The following MTPAP variants were observed in gnomAD, a reference collection of about 807,000 sequenced individuals.
MTPAP encodes the protein poly(A) RNA polymerase, mitochondrial.
A neutral mutation model predicts 48.7 loss-of-function variants in MTPAP; 23 were observed. The ratio of observed to expected loss-of-function variants is 0.47; its 90% CI spans 0.34 to 0.67. The LOEUF (loss-of-function observed/expected upper bound fraction) is 0.67. Among genes scored for constraint, MTPAP ranks in the 30% least tolerant of loss-of-function variants. The pLI, the probability that MTPAP is intolerant of heterozygous loss-of-function variation, is 0.01. For synonymous variants in MTPAP, 257 were observed against 254.1 expected (o/e 1.01, Z -0.11); for missense variants, 614 against 694.3 (o/e 0.88, Z 1.30).
intron 8 of MTPAP, 37 bp downstream of exon 8, chr10:30,315,926 C>G (rs755570055): frequency 6.6e-7 from 1 of 1,506,598 alleles, no homozygotes; most frequent in South Asian, 1.2e-5. Flanking sequence ...CAGTGGAAGA[C>G]CAGATACTAA....
intron 3 of MTPAP, among the ~76,000 whole-genome samples, chr10:30,339,035 A>C (rs1434402024): frequency 1.3e-5 from 2 of 152,100 alleles, no homozygotes; most frequent in Non-Finnish European, 2.9e-5. Context: ...AGGCAAGAGA[A>C]TGGCGTGAAC....
In MTPAP at chr10:30,345,801, C is replaced by A. The variant is rs1171708175; in HGVS notation, c.157+3318G>T. On this transcript the variant is annotated intron_variant, in intron 1 of 8. Coordinates refer to ENST00000263063, the MANE Select transcript of MTPAP (RefSeq NM_018109.4). ...GTGGCTCATGCCTGTAATCCCAGCA[C>A]TTTGGGAGGTCAGGGAGGGTGGATC... Among the ~76,000 whole-genome samples the A allele has an allele frequency of 4.6e-5, 7 of 152,218 alleles. No individual in the cohort carries two copies. The East Asian group carries it at 1.2e-3, about 25-fold the overall frequency.
intron 6 of MTPAP, among the ~76,000 whole-genome samples, chr10:30,317,889 C>T (rs1056542186): frequency 2.0e-5 from 3 of 152,122 alleles, no homozygotes; most frequent in Non-Finnish European, 4.4e-5. Context: ...GAATCTGGCT[C>T]TGTCACCCAG....
rs1391861710 is a variant in MTPAP at position 30,322,424 on chromosome 10, G to GA, written c.1185dup (p.Leu396SerfsTer16). ...GTTTTTAAGGAATCTAGTGTTGGAAGAATAGGGGGTGATCTTCTCTGGAGA... is the reference window on the plus strand; with the variant it reads ...GTTTTTAAGGAATCTAGTGTTGGAAGAAATAGGGGGTGATCTTCTCTGGAGA... On this transcript the variant is annotated frameshift_variant, in exon 6 of 9. Transcript: ENST00000263063. LOFTEE classifies it high-confidence loss of function. 1 of 1,612,754 alleles carries GA rather than the reference G, an allele frequency of 6.2e-7. No individual in the cohort carries two copies. The highest frequency in any genetic ancestry group is 1.1e-5 in the South Asian group (1 of 91,060).
chr10:30,348,886 A>G, intron 1 of MTPAP: 1 of 597,358 alleles, frequency 1.7e-6, no homozygotes, highest in Non-Finnish European at 2.9e-6. Context: ...AAACAACTCC[A>G]TTACTGTACA....
intron 4 of MTPAP, among the ~76,000 whole-genome samples, chr10:30,331,032 C>T (rs1236015066): frequency 6.6e-6 from 1 of 152,140 alleles, no homozygotes; most frequent in Non-Finnish European, 1.5e-5. Flanking sequence ...ACTAGCCTAA[C>T]CTGACTGACC....
chr10:30,346,067 A>C (rs1016421414), intron 1 of MTPAP, among the ~76,000 whole-genome samples: 3 of 151,916 alleles, frequency 2.0e-5, no homozygotes, highest in Non-Finnish European at 4.4e-5. Flanking sequence ...AAAAGACAGA[A>C]TACTATCCTG....
At position 30,319,089 on chromosome 10, in the gene MTPAP, C is replaced by T. The variant is rs370515622; in HGVS notation, c.1220-2879G>A. 8.5e-5 allele frequency among the ~76,000 whole-genome samples: 13 copies of T among 152,076 alleles called. 1 individual carries two copies. Among genetic ancestry groups the T allele is most frequent in the African/African-American group, 3.1e-4 (13 of 41,478 alleles). On this transcript the variant is annotated intron_variant, in intron 6 of 8. Transcript: ENST00000263063. Reference sequence around the variant, plus strand: ...CTGGGAGGGGGAGGCTGGGAGAAGGCCATTTCAGGCAAAAGCATGGAGCAA... The same window carrying T: ...CTGGGAGGGGGAGGCTGGGAGAAGGTCATTTCAGGCAAAAGCATGGAGCAA...
At chr10:30,338,731 C>A (rs1026217662) in intron 3 of MTPAP, among the ~76,000 whole-genome samples, 1 of 152,028 alleles carries the variant, frequency 6.6e-6, no homozygotes, top group Non-Finnish European at 1.5e-5. Context: ...CAAAAATTTT[C>A]TTATTAGAAA....
In MTPAP at chr10:30,322,437, T is replaced by A; in HGVS notation, c.1173A>T (p.Arg391Ser). The change falls in exon 6 of 9, where the codon AGA (arginine) becomes AGT (serine). Residue 391 changes from arginine (R) to serine (S), a missense_variant. Coordinates refer to ENST00000263063, the MANE Select transcript of MTPAP (RefSeq NM_018109.4). Reference sequence around the variant, plus strand: ...CTAGTGTTGGAAGAATAGGGGGTGATCTTCTCTGGAGAAAAAAGATGACCA... The same window carrying A: ...CTAGTGTTGGAAGAATAGGGGGTGAACTTCTCTGGAGAAAAAAGATGACCA... ...TMMVIFFLQR[R>S]SPPILPTLDS... is the part of the protein sequence containing the mutation. 1.2e-6 allele frequency: 2 copies of A among 1,613,596 alleles called. No homozygotes were observed. Among genetic ancestry groups the A allele is most frequent in the Non-Finnish European group, 1.7e-6 (2 of 1,179,534 alleles).
In MTPAP at chr10:30,315,709, C is replaced by T. The variant is rs550816141; in HGVS notation, c.1386+254G>A. ...ACATCATGAGGGATACAGTATTACACTAAGTGAGGACAGAAGTCCCATGGC... is the reference window on the plus strand; with the variant it reads ...ACATCATGAGGGATACAGTATTACATTAAGTGAGGACAGAAGTCCCATGGC... On this transcript the variant is annotated intron_variant, in intron 8 of 8. Coordinates refer to ENST00000263063, the MANE Select transcript of MTPAP (RefSeq NM_018109.4). 1.6e-3 allele frequency among the ~76,000 whole-genome samples: 245 copies of T among 152,206 alleles called. 2 individuals carry two copies. The highest frequency in any genetic ancestry group is 3.4e-3 in the Middle Eastern group (1 of 294).
intron 1 of MTPAP, 85 bp from the exon 2 acceptor site, chr10:30,341,725 A>G (rs1834809886): frequency 1.4e-6 from 2 of 1,468,346 alleles, no homozygotes; most frequent in Non-Finnish European, 1.9e-6. Context: ...AAGACTTCAT[A>G]TATGACTAAA....
At position 30,322,436 on chromosome 10, in the gene MTPAP, ATCT is replaced by A. The variant is rs1400158159; in HGVS notation, c.1171_1173del (p.Arg391del). The stretch of plus-strand genomic sequence containing the variant: ...TCTAGTGTTGGAAGAATAGGGGGTG[ATCT>A]TCTCTGGAGAAAAAAGATGACCATC... On this transcript the variant is annotated inframe_deletion, in exon 6 of 9. Transcript: ENST00000263063. 1.9e-6 allele frequency: 3 copies of A among 1,613,444 alleles called. No individual in the cohort carries two copies. Among genetic ancestry groups the A allele is most frequent in the Non-Finnish European group, 8.5e-7 (1 of 1,179,490 alleles).
intron 8 of MTPAP, 142 bp from the exon 9 acceptor site, chr10:30,314,113 G>A: frequency 1.0e-6 from 1 of 990,040 alleles, no homozygotes; most frequent in East Asian, 2.6e-5. Context: ...TCAGGGGATT[G>A]AGTATGTATG....
intron 4 of MTPAP, among the ~76,000 whole-genome samples, chr10:30,335,770 G>A (rs1208617823): frequency 6.6e-6 from 1 of 152,172 alleles, no homozygotes; most frequent in Non-Finnish European, 1.5e-5. Flanking sequence ...AGCACTTTAG[G>A]AGGCCGAGGG....
intron 8 of MTPAP, among the ~76,000 whole-genome samples, chr10:30,315,020 T>C (rs1285987145): frequency 6.6e-6 from 1 of 152,196 alleles, no homozygotes; most frequent in Non-Finnish European, 1.5e-5. Context: ...AATTAACTAT[T>C]ACAAAGCCAA....
intron 4 of MTPAP, among the ~76,000 whole-genome samples, chr10:30,330,465 C>A (rs1301971663): frequency 6.6e-6 from 1 of 152,036 alleles, no homozygotes; most frequent in African/African-American, 2.4e-5. Context: ...TCAGAAGCAA[C>A]AGAAGGATTA....
chr10:30,319,056 C>T (rs1253086403), intron 6 of MTPAP, among the ~76,000 whole-genome samples: 6 of 137,690 alleles, frequency 4.4e-5, no homozygotes, highest in African/African-American at 1.4e-4. Flanking sequence ...TAAAAAAAAG[C>T]GGGGTGGCTG....
chr10:30,341,707 G>A (rs1834809756), intron 1 of MTPAP, 67 bp from the exon 2 acceptor site: 3 of 1,561,864 alleles, frequency 1.9e-6, no homozygotes, highest in Admixed American at 1.7e-5. Context: ...ATTTTGATAA[G>A]GTGTTTAAAG....
Sources: allele counts gnomAD v4.1 joint callset (sites outside exome capture counted in the v4.1 genomes callset), GRCh38; gene constraint gnomAD v4.1.1; transcripts MANE v1.5; gene names NCBI Gene and HGNC (gene_info 2026-07-23, HGNC 2026-07-21).